ITPR1: variants seen among roughly 807,000 people sequenced by gnomAD.
ITPR1 encodes inositol 1,4,5-trisphosphate receptor type 1.
A neutral mutation model predicts 318.4 loss-of-function variants in ITPR1; 96 were observed. That is an observed-to-expected ratio of 0.30 (90% CI 0.26 to 0.36). ITPR1 has a LOEUF of 0.36. ITPR1 is among the 10% of genes least tolerant of loss of function. ITPR1 has a pLI of 1.00. For missense variants in ITPR1, 2,440 were observed against 3,460.2 expected, an observed-to-expected ratio of 0.71 and a Z score of 7.40; for synonymous variants, 1,312 against 1,289.9, an observed-to-expected ratio of 1.02 and a Z score of -0.37.
At chr3:4,690,148 G>A (rs1352088898) in intron 31 of ITPR1, among the ~76,000 whole-genome samples, 1 of 152,186 alleles carries the variant, frequency 6.6e-6, no homozygotes, top group Non-Finnish European at 1.5e-5. Context: ...ATGATGGTGA[G>A]CACCTGTAAT....
At chr3:4,808,126 C>T (rs945060656) in intron 55 of ITPR1, among the ~76,000 whole-genome samples, 10 of 152,264 alleles carry the variant, frequency 6.6e-5, no homozygotes, top group Non-Finnish European at 8.8e-5. Flanking sequence ...AACACAGTCC[C>T]TACCCTCATA....
intron 44 of ITPR1, among the ~76,000 whole-genome samples, chr3:4,752,298 G>C (rs1866998): frequency 0.88 from 133,180 of 152,190 alleles, 58,784 homozygotes; most frequent in Middle Eastern, 0.98. Flanking sequence ...GAGGGAGCCA[G>C]GTTTGGAGAC....
At chr3:4,727,976 G>C (rs1397496275) in intron 42 of ITPR1, among the ~76,000 whole-genome samples, 2 of 152,118 alleles carry the variant, frequency 1.3e-5, no homozygotes, top group African/African-American at 4.8e-5. Context: ...GATTATTCTA[G>C]GTATACAACT....
chr3:4,690,151 C>A (rs138803391), intron 31 of ITPR1, among the ~76,000 whole-genome samples: 36 of 152,290 alleles, frequency 2.4e-4, no homozygotes, highest in African/African-American at 7.9e-4. Flanking sequence ...ATGGTGAGCA[C>A]CTGTAATTCA....
intron 4 of ITPR1, among the ~76,000 whole-genome samples, chr3:4,567,760 C>T (rs887275948): frequency 1.3e-5 from 2 of 152,110 alleles, no homozygotes; most frequent in Admixed American, 1.3e-4. Flanking sequence ...CGTCACCACA[C>T]CCAGCTAATT....
intron 60 of ITPR1, among the ~76,000 whole-genome samples, chr3:4,824,449 A>G (rs893335960): frequency 6.6e-5 from 10 of 152,210 alleles, no homozygotes; most frequent in Non-Finnish European, 1.0e-4. Context: ...CTGCTGAACC[A>G]GAACCCACCC....
chr3:4,814,367 C>T lies in ITPR1; in HGVS notation c.7562-56C>T, dbSNP rs193186011. 1,703 of 1,590,770 alleles carry T rather than the reference C, an allele frequency of 1.1e-3. 32 individuals carry two copies. In the South Asian group the frequency reaches 0.018, roughly 17 times the overall value. ...ATTCAGGAAACAGGATTTCAAAATC[C>T]CGGTCTCTCTTTTCTCCTCACGTTT... On this transcript the variant is annotated intron_variant, in intron 57 of 61. Transcript: ENST00000649015.
chr3:4,503,989 C>T (rs1268984657), intron 2 of ITPR1, among the ~76,000 whole-genome samples: 1 of 152,112 alleles, frequency 6.6e-6, no homozygotes, highest in African/African-American at 2.4e-5. Flanking sequence ...TATCTTTGGG[C>T]ACTCATCAGC....
At chr3:4,834,117 T>C (rs564875896) in intron 60 of ITPR1, among the ~76,000 whole-genome samples, 13 of 152,234 alleles carry the variant, frequency 8.5e-5, no homozygotes, top group Non-Finnish European at 1.8e-4. Context: ...AGTCTCAAAC[T>C]TCTGGCCTCA....
intron 13 of ITPR1, among the ~76,000 whole-genome samples, chr3:4,660,044 A>G (rs905762497): frequency 1.3e-5 from 2 of 152,170 alleles, no homozygotes; most frequent in Non-Finnish European, 2.9e-5. Flanking sequence ...AATTATAGAT[A>G]TATTTTATGT....
In ITPR1 at chr3:4,804,382, G is replaced by A. The variant is rs190467887; in HGVS notation, c.7108-1721G>A. 2.7e-3 allele frequency among the ~76,000 whole-genome samples: 410 copies of A among 152,300 alleles called. 4 individuals are homozygous for A. The highest frequency in any genetic ancestry group is 9.1e-3 in the African/African-American group (379 of 41,546). ...GCTGGGAAAGATGCTAAGAGCAGAC[G>A]GGAAGACTGCTGGGTGCGCAGAATC... On this transcript the variant is annotated intron_variant, in intron 54 of 61. Coordinates refer to ENST00000649015, the MANE Select transcript of ITPR1 (RefSeq NM_001378452.1).
intron 43 of ITPR1, among the ~76,000 whole-genome samples, chr3:4,734,040 C>T (rs924158066): frequency 9.2e-5 from 14 of 152,262 alleles, no homozygotes; most frequent in Middle Eastern, 6.8e-3. Context: ...ACTCAGTGTA[C>T]GCTTAATTTG....
At chr3:4,830,920 G>A (rs779783510) in intron 60 of ITPR1, 82 of 455,990 alleles carry the variant, frequency 1.8e-4, no homozygotes, top group Admixed American at 1.6e-3. Context: ...ATGTTCCATC[G>A]TTTAGGTGGT....
At chr3:4,801,680 C>T (rs1049668241) in intron 54 of ITPR1, among the ~76,000 whole-genome samples, 2 of 152,130 alleles carry the variant, frequency 1.3e-5, no homozygotes, top group Non-Finnish European at 2.9e-5. Context: ...AGGAGAATCA[C>T]TTGAACCTGA....
chr3:4,763,742 A>G (rs1249744747), intron 44 of ITPR1, among the ~76,000 whole-genome samples: 1 of 152,264 alleles, frequency 6.6e-6, no homozygotes, highest in Non-Finnish European at 1.5e-5. Flanking sequence ...TGGCGTTCTC[A>G]GCGCCTGGCC....
intron 55 of ITPR1, 59 bp downstream of exon 55, chr3:4,806,326 C>G (rs114241298): frequency 4.7e-6 from 7 of 1,476,830 alleles, no homozygotes; most frequent in African/African-American, 2.8e-5. Flanking sequence ...TGTCCTATGT[C>G]CTCTCTCTCA....
At chr3:4,695,469 C>T (rs527970639) in intron 33 of ITPR1, among the ~76,000 whole-genome samples, 2 of 152,160 alleles carry the variant, frequency 1.3e-5, no homozygotes, top group Non-Finnish European at 2.9e-5. Context: ...AACGATAGAA[C>T]GATTATAAAG....
At chr3:4,839,311 G>C (rs966150936) in intron 61 of ITPR1, among the ~76,000 whole-genome samples, 13 of 151,288 alleles carry the variant, frequency 8.6e-5, no homozygotes, top group African/African-American at 3.2e-4. Flanking sequence ...TGGGCAACAA[G>C]AGTGAAATTC....
At position 4,547,798 on chromosome 3, in the gene ITPR1, C is replaced by T. The variant is rs148636166; in HGVS notation, c.163+26704C>T. 4.5e-3 allele frequency among the ~76,000 whole-genome samples: 683 copies of T among 152,298 alleles called. 4 individuals are homozygous for T. The highest frequency in any genetic ancestry group is 0.015 in the African/African-American group (641 of 41,560). On this transcript the variant is annotated intron_variant, in intron 4 of 61. Coordinates refer to ENST00000649015, the MANE Select transcript of ITPR1 (RefSeq NM_001378452.1). ...CAAATACATCAAAACCACCCTTGCC[C>T]TTCCCTCCTCAGGACTTAGTGGGTG...
Sources: allele counts gnomAD v4.1 joint callset (sites outside exome capture counted in the v4.1 genomes callset), GRCh38; gene constraint gnomAD v4.1.1; transcripts MANE v1.5; gene names NCBI Gene and HGNC (gene_info 2026-07-23, HGNC 2026-07-21).